TXLNG: variants seen among roughly 807,000 people sequenced by gnomAD.
The protein encoded by TXLNG is gamma-taxilin.
Under a neutral mutation model 38.8 loss-of-function variants are expected in TXLNG, and 5 were observed. That is an observed-to-expected ratio of 0.13 (90% CI 0.07 to 0.27). The LOEUF is 0.27. TXLNG is among the 10% of genes least tolerant of loss of function. The pLI is 1.00. For synonymous variants in TXLNG, 182 were observed against 158.2 expected (o/e 1.15, Z -1.13); for missense variants, 393 against 398.2 (o/e 0.99, Z 0.11).
chrX:16,787,057 T>C (rs1184063462), intron 1 of TXLNG, among the ~76,000 whole-genome samples: 1 of 112,468 alleles, frequency 8.9e-6, no homozygotes, highest in African/African-American at 3.2e-5. Flanking sequence ...CGCTGCGGGG[T>C]GCCCCCGGGC....
At chrX:16,833,969 C>G (rs1489019268) in intron 6 of TXLNG, among the ~76,000 whole-genome samples, 1 of 112,216 alleles carries the variant, frequency 8.9e-6, no homozygotes, top group African/African-American at 3.2e-5. Flanking sequence ...CAGCCGTGTT[C>G]TCTGCTAATA....
At chrX:16,820,331 G>T (rs770854485) in intron 3 of TXLNG, 76 bp downstream of exon 3, 1 of 795,013 alleles carries the variant, frequency 1.3e-6, no homozygotes, top group Non-Finnish European at 1.8e-6. Flanking sequence ...GTTTCTTAAA[G>T]TACAAATTTG....
chrX:16,824,920 C>T (rs1929115494), intron 3 of TXLNG, among the ~76,000 whole-genome samples: 2 of 105,374 alleles, frequency 1.9e-5, no homozygotes, highest in South Asian at 8.5e-4. Flanking sequence ...AGTGAGACTT[C>T]ATCTCAGAAA....
At chrX:16,802,945 G>A (rs752059535) in intron 1 of TXLNG, among the ~76,000 whole-genome samples, 6 of 107,322 alleles carry the variant, frequency 5.6e-5, no homozygotes, top group Non-Finnish European at 9.6e-5. Flanking sequence ...TCAGCCTCCC[G>A]AGTAGATGGG....
chrX:16,841,072 G>A (rs1428100153), intron 9 of TXLNG, among the ~76,000 whole-genome samples: 3 of 109,707 alleles, frequency 2.7e-5, no homozygotes, highest in Non-Finnish European at 3.8e-5. Context: ...GGGCGCGCCT[G>A]TAGTCCCAGT....
Position 16,811,334 on chromosome X carries a change from A to G in TXLNG, c.103-7240A>G, listed in dbSNP as rs1167846742. Among the ~76,000 whole-genome samples the G allele has an allele frequency of 1.1e-4, 12 of 111,618 alleles. No individual in the cohort carries two copies. In the Admixed American group the frequency reaches 1.1e-3, roughly 11 times the overall value. On this transcript the variant is annotated intron_variant, in intron 1 of 9. Coordinates refer to ENST00000380122, the MANE Select transcript of TXLNG (RefSeq NM_018360.3). The stretch of plus-strand genomic sequence containing the variant: ...CATATGACACCACCTATTATTCTGC[A>G]TTACACAATAGTTTTTTGGCCTTCC...
Position 16,832,719 on chromosome X carries a change from A to G in TXLNG, c.961A>G (p.Lys321Glu), listed in dbSNP as rs1166786249. Reference protein sequence around the residue: ...TTQLIKEADEKHQREREFLLK... With the variant: ...TTQLIKEADEEHQREREFLLK... Reference sequence around the variant, plus strand: ...ACAACTGATAAAAGAAGCTGATGAAAAACATCAGAGAGAGAGAGAGTTTGT... The same window carrying G: ...ACAACTGATAAAAGAAGCTGATGAAGAACATCAGAGAGAGAGAGAGTTTGT... Residue 321 changes from lysine to glutamate, a missense_variant, in exon 6 of 10, where the codon AAA becomes GAA. Physicochemically the swap from Lys to Glu is moderately conservative, Grantham distance 56. Coordinates refer to ENST00000380122, the MANE Select transcript of TXLNG (RefSeq NM_018360.3). 8.3e-7 allele frequency: 1 copy of G among 1,203,543 alleles called. No homozygotes were observed. Among genetic ancestry groups the G allele is most frequent in the Non-Finnish European group, 1.1e-6 (1 of 893,097 alleles).
intron 3 of TXLNG, among the ~76,000 whole-genome samples, chrX:16,822,473 A>G (rs369789506): frequency 8.9e-6 from 1 of 111,872 alleles, no homozygotes; most frequent in East Asian, 2.8e-4. Flanking sequence ...ATCAGTGAAA[A>G]TGTCCCAGAG....
intron 1 of TXLNG, among the ~76,000 whole-genome samples, chrX:16,797,170 G>A (rs1386655672): frequency 2.8e-5 from 3 of 109,030 alleles, no homozygotes; most frequent in Middle Eastern, 9.4e-3. Flanking sequence ...TGTAATCCCA[G>A]CTACTTGGGA....
intron 9 of TXLNG, among the ~76,000 whole-genome samples, chrX:16,841,114 C>G (rs1356300081): frequency 1.8e-5 from 2 of 108,574 alleles, no homozygotes; most frequent in African/African-American, 3.4e-5. Flanking sequence ...AGAATCACCT[C>G]AACCCAGGAG....
rs771409010 is a variant in TXLNG, at chrX:16,828,277, A to G, written c.669+13A>G. 5 of 1,181,061 alleles carry G rather than the reference A, an allele frequency of 4.2e-6. No individual in the cohort carries two copies. In the African/African-American group the frequency reaches 8.9e-5, roughly 21 times the overall value. ...TAAGACGTTAAAGGTTAGTTGCTTC[A>G]TTTGTCTGTTTTTTTCAGGAGGGAC... On this transcript the variant is annotated intron_variant, in intron 4 of 9. Transcript: ENST00000380122.
chrX:16,836,802 T>G (rs1338731170), intron 7 of TXLNG, among the ~76,000 whole-genome samples: 1 of 112,159 alleles, frequency 8.9e-6, no homozygotes, highest in East Asian at 2.8e-4. Context: ...CCTCTGGGTC[T>G]CTCTCTGTTC....
intron 1 of TXLNG, among the ~76,000 whole-genome samples, chrX:16,792,902 G>C (rs780867223): frequency 5.4e-5 from 6 of 110,314 alleles, no homozygotes; most frequent in Non-Finnish European, 1.1e-4. Context: ...TTCAAGACCA[G>C]CCTGGTCAAC....
intron 1 of TXLNG, among the ~76,000 whole-genome samples, chrX:16,802,375 C>T (rs750572878): frequency 1.9e-5 from 2 of 107,930 alleles, no homozygotes; most frequent in South Asian, 4.1e-4. Context: ...CTGAGCCTCC[C>T]GAGTAGCTGG....
intron 1 of TXLNG, among the ~76,000 whole-genome samples, chrX:16,802,221 C>T (rs1224390723): frequency 1.0e-5 from 1 of 100,492 alleles, no homozygotes; most frequent in Non-Finnish European, 2.0e-5. Flanking sequence ...TCCCAAAGTG[C>T]TGGGATTACA....
At chrX:16,806,402 C>G (rs1928330000) in intron 1 of TXLNG, among the ~76,000 whole-genome samples, 1 of 112,567 alleles carries the variant, frequency 8.9e-6, no homozygotes, top group African/African-American at 3.2e-5. Context: ...TCCGTACACT[C>G]CTGGTTGAAG....
chrX:16,833,901 G>A (rs1353034271), intron 6 of TXLNG, among the ~76,000 whole-genome samples: 5 of 112,191 alleles, frequency 4.5e-5, no homozygotes, highest in South Asian at 3.6e-4. Flanking sequence ...ACTCTGCCTC[G>A]TCTTGCCTCA....
intron 1 of TXLNG, among the ~76,000 whole-genome samples, chrX:16,805,296 T>TA (rs55764169): frequency 9.0e-6 from 1 of 111,048 alleles, no homozygotes; most frequent in Non-Finnish European, 1.9e-5. Flanking sequence ...ACCCCCTTTT[T>TA]AAAAATAGCT....
intron 1 of TXLNG, among the ~76,000 whole-genome samples, chrX:16,796,423 C>T (rs890498060): frequency 3.6e-5 from 4 of 111,767 alleles, no homozygotes; most frequent in Non-Finnish European, 7.5e-5. Context: ...CCGTGGACAT[C>T]GTACTTAAAT....
Sources: allele counts gnomAD v4.1 joint callset (sites outside exome capture counted in the v4.1 genomes callset), GRCh38; gene constraint gnomAD v4.1.1; transcripts MANE v1.5; gene names NCBI Gene and HGNC (gene_info 2026-07-23, HGNC 2026-07-21).